CDC42BPA: variants seen among roughly 807,000 people sequenced by gnomAD.
CDC42BPA encodes the protein serine/threonine-protein kinase MRCK alpha.
A neutral mutation model predicts 223.5 loss-of-function variants in CDC42BPA; 80 were observed. The observed-to-expected ratio is 0.36, with a 90% CI of 0.30 to 0.43. The LOEUF (loss-of-function observed/expected upper bound fraction) is 0.43, where lower values mean the gene tolerates loss of function less well. Among genes scored for constraint, CDC42BPA ranks in the 20% least tolerant of loss-of-function variants. The pLI, the probability that CDC42BPA is intolerant of heterozygous loss-of-function variation, is 1.00. For synonymous variants in CDC42BPA, 694 were observed against 718.6 expected (o/e 0.97, Z 0.55); for missense variants, 1,743 against 2,099.9 (o/e 0.83, Z 3.32).
At chr1:227,200,446 A>AAC (rs374811982) in intron 3 of CDC42BPA, among the ~76,000 whole-genome samples, 2,564 of 27,194 alleles carry the variant, frequency 0.094, 55 homozygotes, top group Middle Eastern at 0.19. Flanking sequence ...ACAAACAAAC[A>AAC]AAAAAAAAAC....
intron 15 of CDC42BPA, among the ~76,000 whole-genome samples, chr1:227,096,763 T>C (rs1479547403): frequency 6.6e-6 from 1 of 152,190 alleles, no homozygotes; most frequent in Non-Finnish European, 1.5e-5. Flanking sequence ...TTAGGTGCTG[T>C]CTCTTCCCTC....
At chr1:227,231,602 G>A (rs573834253) in intron 2 of CDC42BPA, among the ~76,000 whole-genome samples, 2 of 152,012 alleles carry the variant, frequency 1.3e-5, no homozygotes, top group African/African-American at 4.8e-5. Context: ...CCCACCAACA[G>A]TGTAAAAGCG....
chr1:227,284,069 A>T (rs555405772), intron 1 of CDC42BPA, among the ~76,000 whole-genome samples: 181 of 148,852 alleles, frequency 1.2e-3, no homozygotes, highest in African/African-American at 3.9e-3. Context: ...AAATATATAT[A>T]CTTTTTAATT....
rs1668788403 is a variant in CDC42BPA at position 227,029,157 on chromosome 1, T to C, written c.3932A>G (p.His1311Arg). ...LVAVISGRNR[H>R]VRLFPMSALD... ...TGCTGACATAGGAAAAAGTCGTACA[T>C]GACGATTTCGTCCTGAGATCACAGC... Residue 1311 changes from histidine (H) to arginine (R), a missense_variant, in exon 30 of 37, where the codon CAT (histidine) becomes CGT (arginine). Around this residue, in one of 6 missense-constraint regions of CDC42BPA, gnomAD observed 678 missense variants for 777.5 expected, o/e 0.87. Transcript: ENST00000366766. The C allele has an allele frequency of 1.2e-6, 2 of 1,605,588 alleles. No homozygotes were observed. The highest frequency in any genetic ancestry group is 1.7e-6 in the Non-Finnish European group (2 of 1,179,956).
chr1:227,033,461 G>A (rs748562216), intron 26 of CDC42BPA, 46 bp from the exon 27 acceptor site: 2 of 1,324,878 alleles, frequency 1.5e-6, no homozygotes, highest in Non-Finnish European at 2.2e-6. Context: ...GTGGCTATGT[G>A]TGTGTGGTTT....
In CDC42BPA at chr1:227,317,316, T is replaced by TG. The variant is rs1475661631; in HGVS notation, c.-135dup. On this transcript the variant is annotated 5_prime_UTR_variant, in exon 1 of 37. The change creates a premature stop within an existing upstream ORF in the 5' untranslated region. Transcript: ENST00000366766. ...TCAAACAACTGTCATGCAATGCTGG[T>TG]GCTGAATTAAACATCCAACACACCA... is the stretch of plus-strand genomic sequence containing the variant. 2 of 908,476 alleles carry TG rather than the reference T, an allele frequency of 2.2e-6. No homozygotes were observed. The highest frequency in any genetic ancestry group is 3.3e-5 in the African/African-American group (2 of 59,740). The allele number at this position is 908,476 out of a possible 1,614,324, so 56.3% of individuals were successfully genotyped here. A position where few individuals can be genotyped will look rare whatever the true frequency, so the allele number is the denominator to read the frequency against.
intron 30 of CDC42BPA, 89 bp downstream of exon 30, chr1:227,028,568 T>C: frequency 1.1e-6 from 1 of 870,430 alleles, no homozygotes. Context: ...AAAACTGTTA[T>C]CAACAATGAC....
intron 34 of CDC42BPA, among the ~76,000 whole-genome samples, chr1:227,005,316 A>G (rs1312179378): frequency 6.6e-6 from 1 of 152,264 alleles, no homozygotes; most frequent in African/African-American, 2.4e-5. Flanking sequence ...CTAATCAGGA[A>G]TAAGTACTTA....
chr1:227,254,265 T>C (rs1304203697), intron 1 of CDC42BPA, 110 bp from the exon 2 acceptor site: 16 of 581,972 alleles, frequency 2.7e-5, no homozygotes, highest in African/African-American at 7.8e-5. Flanking sequence ...GATTTAAGAA[T>C]TGTCAAAATA....
rs116719557 is a variant in CDC42BPA at position 227,109,437 on chromosome 1, C to T, written c.2001+2875G>A. Among the ~76,000 whole-genome samples the T allele has an allele frequency of 9.9e-3, 1,514 of 152,236 alleles. 12 individuals carry two copies. The highest frequency in any genetic ancestry group is 0.016 in the Non-Finnish European group (1,111 of 68,012). On this transcript the variant is annotated intron_variant, in intron 14 of 36. Coordinates refer to ENST00000366766, the MANE Select transcript of CDC42BPA (RefSeq NM_001394014.1). ...CTGGAGTGCAGTGACTCAATCTCAG[C>T]TTACTGCAATCTCTGCCTCCCAGGT...
In CDC42BPA at chr1:227,317,466, AAAT is replaced by A. The variant is rs144519970; in HGVS notation, c.-287_-285del. Reference sequence around the variant, plus strand: ...TACAATTAAGTCGTATATTTAAATAAAATAATAATTAAAAGTACAACGAACTAG... The same window carrying A: ...TACAATTAAGTCGTATATTTAAATAAAATAATTAAAAGTACAACGAACTAG... On this transcript the variant is annotated 5_prime_UTR_variant, in exon 1 of 37. Coordinates refer to ENST00000366766, the MANE Select transcript of CDC42BPA (RefSeq NM_001394014.1). The A allele has an allele frequency of 3.0e-3, 1,191 of 399,834 alleles. 25 individuals are homozygous for A. In the East Asian group the frequency reaches 0.031, roughly 10 times the overall value. The allele number at this position is 399,834 out of a possible 1,614,324, so 24.8% of individuals were successfully genotyped here.
intron 10 of CDC42BPA, among the ~76,000 whole-genome samples, chr1:227,138,336 T>G (rs1408723864): frequency 6.6e-6 from 1 of 151,910 alleles, no homozygotes. Flanking sequence ...GATATATATA[T>G]GATTAAATTA....
At chr1:227,045,029 A>T (rs1672151776) in intron 23 of CDC42BPA, among the ~76,000 whole-genome samples, 1 of 152,148 alleles carries the variant, frequency 6.6e-6, no homozygotes, top group Non-Finnish European at 1.5e-5. Context: ...ACCTGAAGAC[A>T]ACCCTGCTGA....
chr1:227,168,495 G>GTGTGTTTTGTTT (rs1338103515), intron 5 of CDC42BPA, among the ~76,000 whole-genome samples: 17 of 15,754 alleles, frequency 1.1e-3, no homozygotes, highest in Middle Eastern at 0.071. Context: ...ATCTTCCCTG[G>GTGTGTTTTGTTT]TGTTTTTTTT....
chr1:227,036,146 T>C (rs1670178764), intron 24 of CDC42BPA, among the ~76,000 whole-genome samples: 1 of 152,194 alleles, frequency 6.6e-6, no homozygotes, highest in Admixed American at 6.5e-5. Flanking sequence ...ATAACAATAG[T>C]TAACTTTATG....
At chr1:227,104,322 G>A (rs1218518294) in intron 14 of CDC42BPA, among the ~76,000 whole-genome samples, 1 of 151,968 alleles carries the variant, frequency 6.6e-6, no homozygotes, top group Admixed American at 6.6e-5. Flanking sequence ...AGGTGTTTTT[G>A]GCAATTATAA....
At chr1:227,170,589 C>G (rs116708414) in intron 5 of CDC42BPA, among the ~76,000 whole-genome samples, 1,809 of 152,292 alleles carry the variant, frequency 0.012, 33 homozygotes, top group African/African-American at 0.041. Context: ...CAGATAGCTC[C>G]CCACTGCCAG....
intron 15 of CDC42BPA, among the ~76,000 whole-genome samples, chr1:227,094,859 AAG>A (rs1174738605): frequency 6.6e-6 from 1 of 150,796 alleles, no homozygotes; most frequent in Non-Finnish European, 1.5e-5. Flanking sequence ...TACTGGCTCA[AAG>A]AGATGAGAAT....
chr1:227,295,009 G>C (rs535887189), intron 1 of CDC42BPA, among the ~76,000 whole-genome samples: 59 of 151,392 alleles, frequency 3.9e-4, no homozygotes, highest in Non-Finnish European at 6.8e-4. Context: ...ATATTCAACG[G>C]GTTAGCACAA....
Sources: gnomAD v4.1 joint callset for allele counts (sites outside exome capture counted in the v4.1 genomes callset) on GRCh38, gnomAD v4.1.1 for gene constraint, gnomAD v4.1.1 regional missense constraint, MANE v1.5 for transcripts, NCBI Gene and HGNC (gene_info 2026-07-23, HGNC 2026-07-21) for gene names.